The following LIG3 variants were observed in gnomAD, a reference collection of about 807,000 sequenced individuals.
LIG3 encodes the protein ligase II, DNA, ATP-dependent.
A neutral mutation model predicts 110.9 loss-of-function variants in LIG3; 58 were observed. The observed-to-expected ratio is 0.52, with a 90% CI of 0.42 to 0.65. The LOEUF (loss-of-function observed/expected upper bound fraction) is 0.65. Among genes scored for constraint, LIG3 ranks in the 30% least tolerant of loss-of-function variants. The pLI is 0.00. For synonymous variants in LIG3, 422 were observed against 472.8 expected (o/e 0.89, Z 1.39); for missense variants, 1,094 against 1,273.8 (o/e 0.86, Z 2.15).
In LIG3 at chr17:34,983,058, G is replaced by A. The variant is rs142734285; in HGVS notation, c.53G>A (p.Arg18Gln). The A allele has an allele frequency of 3.6e-5, 58 of 1,611,480 alleles. No individual in the cohort carries two copies. In the East Asian group the frequency reaches 8.0e-4, roughly 22 times the overall value. The stretch of plus-strand genomic sequence containing the variant: ...CCACAAACCCTCCGTGCACTCAGCC[G>A]AAAAGAACTGTGCCTATTCCGAAAA... ...FFPQTLRALS[R>Q]KELCLFRKHH... The change falls in exon 2 of 20, where the codon CGA becomes CAA. Residue 18 changes from arginine to glutamine, a missense_variant. Physicochemically the swap from Arg to Gln is conservative, Grantham distance 43. Transcript: ENST00000378526.
intron 4 of LIG3, among the ~76,000 whole-genome samples, chr17:34,990,625 G>A (rs1050864637): frequency 6.6e-6 from 1 of 150,726 alleles, no homozygotes; most frequent in African/African-American, 2.4e-5. Flanking sequence ...GTGAGACAGT[G>A]TCTTGCTCTG....
chr17:35,009,771 G>A (rs1388507387), downstream of LIG3: 2 of 152,588 alleles, frequency 1.3e-5, no homozygotes, highest in Non-Finnish European at 2.9e-5. Flanking sequence ...TGAAGAGGAG[G>A]TAAGGCTTCA....
intron 19 of LIG3, chr17:35,003,247 C>G: frequency 1.6e-6 from 2 of 1,215,252 alleles, no homozygotes; most frequent in Non-Finnish European, 2.2e-6. Flanking sequence ...ACCTGAGGAG[C>G]CTTTTCCCTG....
intron 1 of LIG3, among the ~76,000 whole-genome samples, chr17:34,982,212 C>T (rs2090603217): frequency 6.6e-6 from 1 of 152,218 alleles, no homozygotes; most frequent in South Asian, 2.1e-4. Context: ...ATTCCAGGCT[C>T]TGCTTAGTTG....
At chr17:34,994,132 C>T (rs1463454802) in intron 8 of LIG3, 144 bp from the exon 9 acceptor site, 4 of 659,896 alleles carry the variant, frequency 6.1e-6, no homozygotes, top group Non-Finnish European at 1.0e-5. Context: ...ACCTCTTCAC[C>T]AGCCTTCCCT....
In LIG3 at chr17:35,005,001, C is replaced by G. The variant is rs16970536; in HGVS notation, c.*495C>G. ...TCTGTTTAGCGGAACTTGTATTCAG[C>G]CTGACACGCTTTGCCAGGAACAAAC... On this transcript the variant is annotated 3_prime_UTR_variant, in exon 20 of 20. Transcript: ENST00000378526. The G allele has an allele frequency of 0.015, 4,331 of 297,110 alleles. 187 individuals are homozygous for G. Among genetic ancestry groups the G allele is most frequent in the African/African-American group, 0.087 (3,997 of 46,204 alleles). The allele number at this position is 297,110 out of a possible 1,614,324, so 18.4% of individuals were successfully genotyped here.
intron 19 of LIG3, 98 bp from the exon 20 acceptor site, chr17:35,004,175 A>ACT (rs1301627107): frequency 1.7e-5 from 14 of 832,474 alleles, no homozygotes; most frequent in Non-Finnish European, 2.3e-5. Context: ...TTGTGTCCTA[A>ACT]CTCTAGGCTC....
At position 35,002,720 on chromosome 17, in the gene LIG3, C is replaced by G. The variant is rs774026307; in HGVS notation, c.2727C>G (p.Ala909=). The change falls in exon 19 of 20, where the codon GCC becomes GCG. Residue 909 remains alanine (A), a synonymous_variant. Transcript: ENST00000378526. Reference sequence around the variant, plus strand: ...CTATGAAGGTGGGGGAGAAGCTGGCCACAAAGTCTTCTCCAGTGAAAGTAG... The same window carrying G: ...CTATGAAGGTGGGGGAGAAGCTGGCGACAAAGTCTTCTCCAGTGAAAGTAG... The part of the protein sequence containing the change: ...PSAMKVGEKL[A]TKSSPVKVGE... 9.5e-5 allele frequency: 154 copies of G among 1,613,300 alleles called. No individual in the cohort carries two copies. The highest frequency in any genetic ancestry group is 1.3e-4 in the Non-Finnish European group (151 of 1,179,750).
intron 8 of LIG3, among the ~76,000 whole-genome samples, chr17:34,993,821 G>A (rs1340067078): frequency 3.3e-5 from 5 of 152,102 alleles, no homozygotes; most frequent in Non-Finnish European, 5.9e-5. Context: ...TCCAATATCT[G>A]GAAACCCTGT....
chr17:34,997,832 G>A lies in LIG3; in HGVS notation c.1911+7G>A. 6.2e-7 allele frequency: 1 copy of A among 1,609,392 alleles called. No individual in the cohort carries two copies. Among genetic ancestry groups the A allele is most frequent in the African/African-American group, 1.3e-5 (1 of 74,958 alleles). On this transcript the variant is annotated splice_region_variant and intron_variant, in intron 12 of 19. Coordinates refer to ENST00000378526, the MANE Select transcript of LIG3 (RefSeq NM_013975.4). The stretch of plus-strand genomic sequence containing the variant: ...AGAAATGAAGCGAGTCACAGTAAGT[G>A]AAGACCCTATGCTAGGCAGTGTCCT...
chr17:34,993,130 G>C (rs2090743579), intron 8 of LIG3, among the ~76,000 whole-genome samples: 1 of 152,036 alleles, frequency 6.6e-6, no homozygotes, highest in African/African-American at 2.4e-5. Context: ...CCTGTGACAG[G>C]GTGACTTGGG....
In LIG3 at chr17:34,980,629, G is replaced by C; in HGVS notation, c.-5+7G>C. On this transcript the variant is annotated splice_region_variant and intron_variant, in intron 1 of 19. Coordinates refer to ENST00000378526, the MANE Select transcript of LIG3 (RefSeq NM_013975.4). ...GCCGGAGCCGGAGAGGCAGGTGAGG[G>C]GCTACGCGGCGCGGCACGGCGCGGC... 1 of 1,265,340 alleles carries C rather than the reference G, an allele frequency of 7.9e-7. No individual in the cohort carries two copies. Among genetic ancestry groups the C allele is most frequent in the Non-Finnish European group, 1.0e-6 (1 of 976,638 alleles). 78.4% of individuals were successfully genotyped at this position (1,265,340 alleles called of 1,614,324 possible).
intron 8 of LIG3, among the ~76,000 whole-genome samples, chr17:34,993,832 T>G (rs2090750869): frequency 6.6e-6 from 1 of 152,134 alleles, no homozygotes; most frequent in Non-Finnish European, 1.5e-5. Context: ...GAAACCCTGT[T>G]TGTTGTAGGG....
intron 15 of LIG3, 124 bp from the exon 16 acceptor site, chr17:34,999,658 G>T: frequency 9.1e-7 from 1 of 1,098,174 alleles, no homozygotes; most frequent in East Asian, 2.4e-5. Context: ...CTCTGGGCTG[G>T]GAGGATCACA....
At chr17:34,982,882 T>A in intron 1 of LIG3, 120 bp from the exon 2 acceptor site, 1 of 704,564 alleles carries the variant, frequency 1.4e-6, no homozygotes, top group Non-Finnish European at 2.3e-6. Context: ...TGTAATACTT[T>A]GGAAAGTGTT....
At chr17:35,002,562 G>A (rs996299013) in intron 18 of LIG3, 106 bp from the exon 19 acceptor site, 45 of 1,236,160 alleles carry the variant, frequency 3.6e-5, no homozygotes, top group Admixed American at 9.4e-5. Flanking sequence ...GCAGTGGCAC[G>A]ACCATAGCTC....
intron 9 of LIG3, among the ~76,000 whole-genome samples, chr17:34,995,226 T>C (rs546233547): frequency 6.6e-6 from 1 of 152,270 alleles, no homozygotes; most frequent in East Asian, 1.9e-4. Flanking sequence ...GCTGGAGCAT[T>C]GGGAACAAAG....
chr17:34,990,932 A>G lies in LIG3; in HGVS notation c.890-31A>G, dbSNP rs772134241. 5.6e-6 allele frequency: 9 copies of G among 1,608,148 alleles called. No homozygotes were observed. The South Asian group carries it at 7.7e-5, about 14-fold the overall frequency. On this transcript the variant is annotated intron_variant, in intron 4 of 19. Coordinates refer to ENST00000378526, the MANE Select transcript of LIG3 (RefSeq NM_013975.4). ...TTATATATTTATTTGTTTAAGCTCTATTTCTCAAGAAGGGTTCCTTCTGTC... is the reference window on the plus strand; with the variant it reads ...TTATATATTTATTTGTTTAAGCTCTGTTTCTCAAGAAGGGTTCCTTCTGTC...
intron 11 of LIG3, 105 bp from the exon 12 acceptor site, chr17:34,997,633 C>T: frequency 9.7e-6 from 8 of 823,054 alleles, no homozygotes; most frequent in Non-Finnish European, 1.5e-5. Flanking sequence ...CATGGCAAAC[C>T]CTTTCTTGAA....
Sources: allele counts gnomAD v4.1 joint callset (sites outside exome capture counted in the v4.1 genomes callset), GRCh38; gene constraint gnomAD v4.1.1; transcripts MANE v1.5; gene names NCBI Gene and HGNC (gene_info 2026-07-23, HGNC 2026-07-21).